The following CCDC171 variants were observed in gnomAD, a reference collection of about 807,000 sequenced individuals.
The protein encoded by CCDC171 is coiled-coil domain containing 171, also known as coiled-coil domain-containing protein 171.
In CCDC171, 177 loss-of-function variants were observed where a neutral mutation model predicts 168.2. The observed-to-expected ratio is 1.05, with a 90% CI of 0.93 to 1.19. CCDC171 has a LOEUF of 1.19. Ranked by LOEUF, CCDC171 falls within the 50% of genes most tolerant of loss-of-function variation. The pLI, the probability that CCDC171 is intolerant of heterozygous loss-of-function variation, is 0.00. For missense variants in CCDC171, 1,991 were observed against 1,539.0 expected (o/e 1.29, Z -4.91); for synonymous variants, 687 against 540.8 (o/e 1.27, Z -3.75).
At chr9:15,630,588 C>A (rs1294677940) in intron 7 of CCDC171, among the ~76,000 whole-genome samples, 3 of 152,178 alleles carry the variant, frequency 2.0e-5, no homozygotes, top group Admixed American at 1.3e-4. Context: ...GAGACTTTAA[C>A]ACCCCACTGT....
intron 25 of CCDC171, among the ~76,000 whole-genome samples, chr9:15,954,320 A>T (rs532555453): frequency 6.6e-6 from 1 of 151,984 alleles, no homozygotes; most frequent in African/African-American, 2.4e-5. Context: ...TATAGCTATA[A>T]ATTTCCCCCT....
At chr9:15,676,752 C>T (rs1160845249) in intron 9 of CCDC171, among the ~76,000 whole-genome samples, 2 of 151,976 alleles carry the variant, frequency 1.3e-5, no homozygotes, top group Non-Finnish European at 2.9e-5. Context: ...AGTTTTTGAT[C>T]TTTATCCTTT....
chr9:16,031,526 C>T (rs1473289221), intron 6 of CCDC171, among the ~76,000 whole-genome samples: 1 of 152,144 alleles, frequency 6.6e-6, no homozygotes, highest in Non-Finnish European at 1.5e-5. Context: ...ATCTGTTGCA[C>T]CCTAATTTCT....
At chr9:15,581,165 T>C (rs1310399966) in intron 4 of CCDC171, among the ~76,000 whole-genome samples, 1 of 152,068 alleles carries the variant, frequency 6.6e-6, no homozygotes, top group Non-Finnish European at 1.5e-5. Context: ...AAATCATGAG[T>C]GAACTCCCAT....
chr9:15,708,300 A>G (rs2052397159), intron 11 of CCDC171, among the ~76,000 whole-genome samples: 1 of 152,254 alleles, frequency 6.6e-6, no homozygotes, highest in Non-Finnish European at 1.5e-5. Flanking sequence ...AACACATAGT[A>G]ATGCTGGAAA....
chr9:15,887,861 C>T (rs1356118290), intron 24 of CCDC171: 1 of 152,070 alleles, frequency 6.6e-6, no homozygotes, highest in Non-Finnish European at 1.5e-5. Context: ...TGCATGTAAA[C>T]AAGTCTGGGC....
chr9:15,673,878 G>T (rs2049312632), intron 9 of CCDC171, among the ~76,000 whole-genome samples: 1 of 152,132 alleles, frequency 6.6e-6, no homozygotes, highest in Non-Finnish European at 1.5e-5. Flanking sequence ...GAGTTAAGGA[G>T]GATTCCCTCT....
chr9:15,771,535 T>C (rs183903927), intron 18 of CCDC171, among the ~76,000 whole-genome samples: 294 of 151,774 alleles, frequency 1.9e-3, no homozygotes, highest in African/African-American at 5.5e-3. Context: ...TCTTATGGAA[T>C]TATAAAAGCT....
intron 6 of CCDC171, among the ~76,000 whole-genome samples, chr9:15,618,117 G>A (rs1162739739): frequency 6.6e-6 from 1 of 152,156 alleles, no homozygotes; most frequent in East Asian, 1.9e-4. Context: ...CTGAAGCTGC[G>A]ACTGCAGCCG....
chr9:15,958,551 A>C (rs1339815036), intron 25 of CCDC171, among the ~76,000 whole-genome samples: 1 of 147,852 alleles, frequency 6.8e-6, no homozygotes, highest in African/African-American at 2.5e-5. Flanking sequence ...ATATTATATT[A>C]TATTATATTA....
At chr9:15,771,864 G>C (rs2057030584) in intron 18 of CCDC171, among the ~76,000 whole-genome samples, 1 of 152,122 alleles carries the variant, frequency 6.6e-6, no homozygotes, top group Admixed American at 6.6e-5. Context: ...GGCAGAGGCT[G>C]TCTCTGTTGC....
chr9:15,560,939 C>G (rs891622979), intron 1 of CCDC171, among the ~76,000 whole-genome samples: 1 of 152,132 alleles, frequency 6.6e-6, no homozygotes, highest in African/African-American at 2.4e-5. Context: ...CGTTTTCCTT[C>G]TAACAGTCAG....
intron 1 of CCDC171, among the ~76,000 whole-genome samples, chr9:15,554,814 T>C (rs924080638): frequency 6.6e-6 from 1 of 152,208 alleles, no homozygotes; most frequent in African/African-American, 2.4e-5. Context: ...TGAATATTTT[T>C]ACACAAATTA....
At chr9:15,697,787 G>T (rs1487893840) in intron 11 of CCDC171, among the ~76,000 whole-genome samples, 4 of 152,148 alleles carry the variant, frequency 2.6e-5, no homozygotes, top group South Asian at 4.2e-4. Context: ...GATGTTGATG[G>T]CTGCTGACTC....
At chr9:15,635,449 G>A (rs1564103573) in intron 7 of CCDC171, among the ~76,000 whole-genome samples, 1 of 151,978 alleles carries the variant, frequency 6.6e-6, no homozygotes. Flanking sequence ...GATGTTCCAG[G>A]GCAGGAAGCA....
intron 4 of CCDC171, among the ~76,000 whole-genome samples, chr9:16,021,178 C>T (rs1833151695): frequency 6.6e-6 from 1 of 152,194 alleles, no homozygotes; most frequent in Non-Finnish European, 1.5e-5. Context: ...ACCTCCGCCT[C>T]CGGGGTTCAG....
chr9:15,715,471 A>G (rs954513658), intron 11 of CCDC171, among the ~76,000 whole-genome samples: 1 of 152,248 alleles, frequency 6.6e-6, no homozygotes, highest in Non-Finnish European at 1.5e-5. Flanking sequence ...TCAATACATT[A>G]TATATTAAAT....
chr9:15,898,890 ATAGACAC>A (rs1237047849), intron 24 of CCDC171, among the ~76,000 whole-genome samples: 1 of 152,158 alleles, frequency 6.6e-6, no homozygotes, highest in Non-Finnish European at 1.5e-5. Flanking sequence ...GTATATTTGT[ATAGACAC>A]TACCACAATC....
At chr9:15,665,287 A>T (rs1001354640) in intron 8 of CCDC171, among the ~76,000 whole-genome samples, 2 of 152,154 alleles carry the variant, frequency 1.3e-5, no homozygotes, top group African/African-American at 2.4e-5. Context: ...CTGCCTCCAG[A>T]CTATTTTGAA....
Sources: allele counts gnomAD v4.1 joint callset (sites outside exome capture counted in the v4.1 genomes callset), GRCh38; gene constraint gnomAD v4.1.1; transcripts MANE v1.5; gene names NCBI Gene and HGNC (gene_info 2026-07-23, HGNC 2026-07-21).